The following TRPC7 variants were observed in gnomAD, a reference collection of about 807,000 sequenced individuals.
TRPC7 encodes transient receptor potential cation channel subfamily C member 7.
In TRPC7, 42 loss-of-function variants were observed where a neutral mutation model predicts 90.1. That is an observed-to-expected ratio of 0.47 (90% CI 0.36 to 0.60). TRPC7 has a LOEUF of 0.60. Among genes scored for constraint, TRPC7 ranks in the 20% least tolerant of loss-of-function variants. TRPC7 has a pLI of 0.00. For missense variants in TRPC7, 955 were observed against 1,112.3 expected, an observed-to-expected ratio of 0.86 and a Z score of 2.01; for synonymous variants, 451 against 436.3, an observed-to-expected ratio of 1.03 and a Z score of -0.42.
chr5:136,251,586 G>C, intron 6 of TRPC7, 63 bp downstream of exon 6: 8 of 1,316,160 alleles, frequency 6.1e-6, no homozygotes, highest in Non-Finnish European at 8.5e-6. Context: ...CAGCCACAGT[G>C]AAGCACCAGG....
chr5:136,356,518 T>C, intron 2 of TRPC7, 90 bp downstream of exon 2: 1 of 1,308,386 alleles, frequency 7.6e-7, no homozygotes, highest in Non-Finnish European at 1.0e-6. Context: ...TCCCTCTTTC[T>C]TAGATTTGAA....
chr5:136,356,974 C>T lies in TRPC7; in HGVS notation c.414G>A (p.Thr138=), dbSNP rs753450293. The change falls in exon 2 of 12, where the codon ACG becomes ACA. Residue 138 remains threonine (T), a synonymous_variant. Coordinates refer to ENST00000513104, the MANE Select transcript of TRPC7 (RefSeq NM_020389.3). The part of the protein sequence containing the change: ...HPAFAQGQRL[T]LSPLEQELRD... The stretch of plus-strand genomic sequence containing the variant: ...GCAGCTCCTGTTCCAGCGGGCTGAG[C>T]GTCAGGCGCTGGCCCTGCGCGAAGG... The T allele has an allele frequency of 5.0e-6, 8 of 1,612,248 alleles. No individual in the cohort carries two copies. The highest frequency in any genetic ancestry group is 3.3e-5 in the South Asian group (3 of 91,004).
intron 7 of TRPC7, among the ~76,000 whole-genome samples, chr5:136,238,810 A>G (rs2149800324): frequency 6.6e-6 from 1 of 152,348 alleles, no homozygotes; most frequent in South Asian, 2.1e-4. Flanking sequence ...TCCAGGTCAC[A>G]AATAAACATG....
chr5:136,305,590 A>C (rs344830), intron 3 of TRPC7, among the ~76,000 whole-genome samples: 49,577 of 151,916 alleles, frequency 0.33, 8,476 homozygotes, highest in South Asian at 0.5. Context: ...GTCTAAATAG[A>C]CACTTTCACT....
At chr5:136,365,098 CAACAAAT>C (rs1760680732) in intron 1 of TRPC7, among the ~76,000 whole-genome samples, 148 bp downstream of exon 1, 3 of 151,962 alleles carry the variant, frequency 2.0e-5, no homozygotes, top group Non-Finnish European at 4.4e-5. Context: ...TCTACCAACT[CAACAAAT>C]AAGAAAGATC....
intron 10 of TRPC7, among the ~76,000 whole-genome samples, chr5:136,219,112 T>C (rs575594397): frequency 6.6e-6 from 1 of 152,338 alleles, no homozygotes; most frequent in East Asian, 1.9e-4. Context: ...AGTCATTTTA[T>C]GCAGGGGGAA....
At chr5:136,360,790 A>G (rs1000058081) in intron 1 of TRPC7, among the ~76,000 whole-genome samples, 1 of 152,130 alleles carries the variant, frequency 6.6e-6, no homozygotes, top group African/African-American at 2.4e-5. Context: ...TTCACAATAG[A>G]CTATGAAGCC....
chr5:136,248,406 C>T (rs1036955593), intron 6 of TRPC7, among the ~76,000 whole-genome samples: 1 of 152,218 alleles, frequency 6.6e-6, no homozygotes, highest in African/African-American at 2.4e-5. Flanking sequence ...GTCTGGCACA[C>T]AGCAGGTACA....
At chr5:136,263,449 G>C (rs934161602) in intron 5 of TRPC7, among the ~76,000 whole-genome samples, 5 of 152,144 alleles carry the variant, frequency 3.3e-5, no homozygotes, top group African/African-American at 1.2e-4. Context: ...TCAAGATGCA[G>C]GAAAAGGTCA....
At chr5:136,221,600 G>T (rs1755462891) in intron 10 of TRPC7, among the ~76,000 whole-genome samples, 2 of 152,222 alleles carry the variant, frequency 1.3e-5, no homozygotes. Context: ...GTAGGATCCA[G>T]AGGGAAGAAA....
chr5:136,292,006 C>A (rs1176559361), intron 3 of TRPC7, among the ~76,000 whole-genome samples: 4 of 152,150 alleles, frequency 2.6e-5, no homozygotes, highest in Non-Finnish European at 4.4e-5. Context: ...AACCGCTCAA[C>A]TACATGGAAA....
rs957116934 is a variant in TRPC7 at position 136,226,219 on chromosome 5, T to C, written c.2077A>G (p.Lys693Glu). 1 of 1,551,776 alleles carries C rather than the reference T, an allele frequency of 6.4e-7. No homozygotes were observed. Among genetic ancestry groups the C allele is most frequent in the African/African-American group, 1.4e-5 (1 of 73,064 alleles). Residue 693 changes from lysine to glutamate, a missense_variant, in exon 9 of 12, where the codon AAA becomes GAA. Physicochemically the swap from Lys to Glu is moderately conservative, Grantham distance 56. Transcript: ENST00000513104. ...ADVEWKFARA[K>E]LWLSYFDEGR... ...TCATCAAAGTAAGACAGCCAGAGTT[T>C]TGCTCGGGCGAACTTCCATTCCACA...
At chr5:136,265,314 CTTTT>C (rs1445905189) in intron 5 of TRPC7, among the ~76,000 whole-genome samples, 1 of 152,050 alleles carries the variant, frequency 6.6e-6, no homozygotes, top group South Asian at 2.1e-4. Context: ...AATTTTTTGT[CTTTT>C]TTATCTTCTG....
intron 3 of TRPC7, among the ~76,000 whole-genome samples, chr5:136,283,669 C>T (rs1757617548): frequency 6.6e-6 from 1 of 152,192 alleles, no homozygotes; most frequent in African/African-American, 2.4e-5. Flanking sequence ...TGAAAAGGGT[C>T]TGAGGACCAC....
At chr5:136,342,987 T>G (rs955656242) in intron 2 of TRPC7, among the ~76,000 whole-genome samples, 1 of 152,040 alleles carries the variant, frequency 6.6e-6, no homozygotes, top group Non-Finnish European at 1.5e-5. Flanking sequence ...TAGAGGTGGA[T>G]AGAGATTAGT....
intron 7 of TRPC7, among the ~76,000 whole-genome samples, chr5:136,238,637 G>A (rs1034728176): frequency 1.2e-4 from 19 of 152,140 alleles, no homozygotes; most frequent in Admixed American, 3.9e-4. Flanking sequence ...GACAGTGACC[G>A]TCAGCCTGAG....
intron 8 of TRPC7, among the ~76,000 whole-genome samples, chr5:136,229,916 G>C (rs1561679943): frequency 6.6e-6 from 1 of 152,174 alleles, no homozygotes. Context: ...CCTCCTTGGA[G>C]TTCTTCTCTA....
At chr5:136,271,116 T>C (rs1194090470) in intron 4 of TRPC7, among the ~76,000 whole-genome samples, 6 of 152,180 alleles carry the variant, frequency 3.9e-5, no homozygotes, top group Admixed American at 2.0e-4. Context: ...ACGCCTTCCT[T>C]ACTAGATATT....
chr5:136,352,278 A>T (rs1014803887), intron 2 of TRPC7, among the ~76,000 whole-genome samples: 1 of 152,030 alleles, frequency 6.6e-6, no homozygotes, highest in Non-Finnish European at 1.5e-5. Context: ...CTTTCTTTCC[A>T]TGTCCCCGCC....
Sources: gnomAD v4.1 joint callset for allele counts (sites outside exome capture counted in the v4.1 genomes callset) on GRCh38, gnomAD v4.1.1 for gene constraint, MANE v1.5 for transcripts, NCBI Gene and HGNC (gene_info 2026-07-23, HGNC 2026-07-21) for gene names.